The following RBFOX1 variants were observed in gnomAD, a reference collection of about 807,000 sequenced individuals.
The protein encoded by RBFOX1 is RNA binding protein fox-1 homolog 1.
In RBFOX1, 8 loss-of-function variants were observed where a neutral mutation model predicts 57.7. The observed-to-expected ratio is 0.14, with a 90% confidence interval of 0.08 to 0.25. The LOEUF is 0.25. Among genes scored for constraint, RBFOX1 ranks in the 10% least tolerant of loss-of-function variants. The pLI, the probability that RBFOX1 is intolerant of heterozygous loss-of-function variation, is 1.00. For synonymous variants in RBFOX1, 326 were observed against 222.4 expected (o/e 1.47, Z -4.15); for missense variants, 611 against 548.5 (o/e 1.11, Z -1.14).
At chr16:7,114,806 A>T (rs1409386955) in intron 4 of RBFOX1, among the ~76,000 whole-genome samples, 1 of 152,152 alleles carries the variant, frequency 6.6e-6, no homozygotes, top group Non-Finnish European at 1.5e-5. Flanking sequence ...CCTAAGTTTT[A>T]GGTGTGATAG....
intron 1 of RBFOX1, among the ~76,000 whole-genome samples, chr16:5,396,074 CTG>C (rs1310602015): frequency 6.6e-6 from 1 of 152,180 alleles, no homozygotes; most frequent in Non-Finnish European, 1.5e-5. Context: ...CCTGTAGAAA[CTG>C]TGAGATAACA....
At chr16:6,801,499 A>G (rs1027228437) in intron 3 of RBFOX1, among the ~76,000 whole-genome samples, 2 of 152,188 alleles carry the variant, frequency 1.3e-5, no homozygotes, top group South Asian at 2.1e-4. Flanking sequence ...TAGTGACTCA[A>G]TAAAATTCTG....
chr16:6,874,394 C>T (rs888670114), intron 3 of RBFOX1, among the ~76,000 whole-genome samples: 12 of 151,470 alleles, frequency 7.9e-5, no homozygotes, highest in Non-Finnish European at 4.4e-5. Flanking sequence ...CCTGTAGTCC[C>T]AGCTACTTAG....
chr16:7,133,347 T>A (rs1258231207), intron 4 of RBFOX1, among the ~76,000 whole-genome samples: 2 of 152,242 alleles, frequency 1.3e-5, no homozygotes, highest in Admixed American at 1.3e-4. Context: ...CTCTTGTTTC[T>A]GTAAATTAGA....
At chr16:7,596,535 G>T (rs966759503) in intron 8 of RBFOX1, among the ~76,000 whole-genome samples, 1 of 151,926 alleles carries the variant, frequency 6.6e-6, no homozygotes, top group Admixed American at 6.6e-5. Flanking sequence ...AATGGTAAGT[G>T]GTGAAGTCCA....
chr16:6,370,092 C>T (rs748092700), intron 2 of RBFOX1, among the ~76,000 whole-genome samples: 10 of 152,092 alleles, frequency 6.6e-5, no homozygotes, highest in South Asian at 2.1e-4. Flanking sequence ...GGTGCGGTGG[C>T]TTATGCCTGT....
rs555044789 is a variant in RBFOX1 at position 5,547,658 on chromosome 16, C to T, written c.259-51244C>T. On this transcript the variant is annotated intron_variant, in intron 2 of 2. Transcript: ENST00000585867. Reference sequence around the variant, plus strand: ...TTACAGAGAGGCACAAATTCATTAACGGTGCCTTGAGTGAAGAATATGTGC... The same window carrying T: ...TTACAGAGAGGCACAAATTCATTAATGGTGCCTTGAGTGAAGAATATGTGC... 3.0e-4 allele frequency among the ~76,000 whole-genome samples: 45 copies of T among 152,228 alleles called. 1 individual carries two copies. In the South Asian group the frequency reaches 6.6e-3, roughly 22 times the overall value.
chr16:7,169,328 G>T (rs771516955), intron 4 of RBFOX1, among the ~76,000 whole-genome samples: 4 of 152,144 alleles, frequency 2.6e-5, no homozygotes, highest in Non-Finnish European at 5.9e-5. Flanking sequence ...CATATATCAG[G>T]GTTTCTGAAT....
At chr16:7,230,896 A>G (rs1178651355) in intron 4 of RBFOX1, among the ~76,000 whole-genome samples, 1 of 152,158 alleles carries the variant, frequency 6.6e-6, no homozygotes, top group East Asian at 1.9e-4. Context: ...GTAGAAATCA[A>G]CTTTGTCTTC....
intron 3 of RBFOX1, among the ~76,000 whole-genome samples, chr16:6,929,083 C>G (rs531874078): frequency 5.2e-4 from 79 of 152,240 alleles, no homozygotes; most frequent in Non-Finnish European, 8.5e-4. Context: ...GCCCCACTCC[C>G]CAGTCTAGTG....
intron 4 of RBFOX1, among the ~76,000 whole-genome samples, chr16:7,146,576 C>G (rs955996602): frequency 6.6e-6 from 1 of 152,084 alleles, no homozygotes; most frequent in Admixed American, 6.5e-5. Flanking sequence ...CTCATTGAAA[C>G]AAAGCAAGAA....
intron 1 of RBFOX1, among the ~76,000 whole-genome samples, chr16:5,452,221 C>T (rs114511331): frequency 0.014 from 2,117 of 150,136 alleles, 49 homozygotes; most frequent in East Asian, 0.079. Context: ...CGGGTTCAAA[C>T]GATCCTCCCA....
At chr16:6,972,955 C>G (rs896054137) in intron 3 of RBFOX1, among the ~76,000 whole-genome samples, 86 of 152,220 alleles carry the variant, frequency 5.6e-4, no homozygotes, top group African/African-American at 2.0e-3. Context: ...GAAACCCCAT[C>G]TCAACTAAAA....
intron 1 of RBFOX1, among the ~76,000 whole-genome samples, chr16:6,133,151 G>T (rs1279352236): frequency 6.6e-6 from 1 of 151,902 alleles, no homozygotes; most frequent in Non-Finnish European, 1.5e-5. Context: ...CTTCTGTGAT[G>T]CTGGGGCTCA....
chr16:5,867,466 T>G, intron 4 of RBFOX1: 2 of 611,828 alleles, frequency 3.3e-6, no homozygotes, highest in Non-Finnish European at 4.7e-6. Context: ...TGGTGTGTTT[T>G]CAGTTGAGTG....
intron 1 of RBFOX1, among the ~76,000 whole-genome samples, chr16:6,308,417 A>T (rs2079803715): frequency 6.6e-6 from 1 of 152,264 alleles, no homozygotes; most frequent in South Asian, 2.1e-4. Context: ...CTTAGATAAC[A>T]CTTACATAAA....
At chr16:6,356,953 G>A (rs1259513593) in intron 2 of RBFOX1, among the ~76,000 whole-genome samples, 2 of 152,230 alleles carry the variant, frequency 1.3e-5, no homozygotes, top group African/African-American at 2.4e-5. Flanking sequence ...AAAAGCCACA[G>A]GCAATCACTC....
intron 4 of RBFOX1, among the ~76,000 whole-genome samples, chr16:7,308,723 C>G (rs959652452): frequency 6.6e-6 from 1 of 152,176 alleles, no homozygotes; most frequent in Non-Finnish European, 1.5e-5. Context: ...AATTAGAAAG[C>G]GATTCTCAGT....
At chr16:5,314,740 A>G (rs568358266) in intron 1 of RBFOX1, among the ~76,000 whole-genome samples, 17 of 151,872 alleles carry the variant, frequency 1.1e-4, no homozygotes, top group African/African-American at 2.2e-4. Flanking sequence ...GACTCAAGCA[A>G]TCCTCCTGCT....
Sources: gnomAD v4.1 joint callset for allele counts (sites outside exome capture counted in the v4.1 genomes callset) on GRCh38, gnomAD v4.1.1 for gene constraint, MANE v1.5 for transcripts, NCBI Gene and HGNC (gene_info 2026-07-23, HGNC 2026-07-21) for gene names.